EVI5: variants seen among roughly 807,000 people sequenced by gnomAD.
The protein encoded by EVI5 is ecotropic viral integration site 5, also known as ecotropic viral integration site 5 protein homolog.
A neutral mutation model predicts 112.0 loss-of-function variants in EVI5; 73 were observed. The observed-to-expected ratio is 0.65, with a 90% CI of 0.54 to 0.79. EVI5 has a LOEUF of 0.79. Ranked by LOEUF, EVI5 falls within the 30% of genes least tolerant of loss-of-function variation. EVI5 has a pLI of 0.00. For missense variants in EVI5, 900 were observed against 968.8 expected (o/e 0.93, Z 0.94); for synonymous variants, 305 against 319.9 (o/e 0.95, Z 0.50).
intron 10 of EVI5, among the ~76,000 whole-genome samples, chr1:92,673,278 A>C (rs1666189459): frequency 6.7e-6 from 1 of 148,856 alleles, no homozygotes; most frequent in Admixed American, 6.8e-5. Context: ...GAAATGTACC[A>C]TAGTTTTTAA....
chr1:92,643,261 A>C (rs1660320598), intron 13 of EVI5, among the ~76,000 whole-genome samples: 1 of 151,448 alleles, frequency 6.6e-6, no homozygotes, highest in Non-Finnish European at 1.5e-5. Context: ...AGTGCACTAA[A>C]TACAAATTCA....
Position 92,746,655 on chromosome 1 carries a change from G to T in EVI5, c.-81-10028C>A, listed in dbSNP as rs548546573. Among the ~76,000 whole-genome samples the T allele has an allele frequency of 7.4e-4, 113 of 152,232 alleles. No individual in the cohort carries two copies. The South Asian group carries it at 0.01, about 14-fold the overall frequency. ...GTGGGAGGATGACTTGAGCCCAGGA[G>T]GCCAAGGCAGAAGGACTGCTTGTGT... On this transcript the variant is annotated intron_variant, in intron 1 of 19. Transcript: ENST00000684568.
chr1:92,520,845 C>T (rs1056810153), intron 19 of EVI5, among the ~76,000 whole-genome samples: 1 of 149,836 alleles, frequency 6.7e-6, no homozygotes, highest in Non-Finnish European at 1.5e-5. Context: ...TAGAGTGCAA[C>T]CCTGTCTAAA....
chr1:92,513,711 A>T lies in EVI5; in HGVS notation c.2426T>A (p.Val809Glu), dbSNP rs1659400440. The T allele has an allele frequency of 3.1e-6, 5 of 1,612,568 alleles. No individual in the cohort carries two copies. The highest frequency in any genetic ancestry group is 4.2e-6 in the Non-Finnish European group (5 of 1,179,466). ...SVLETRESNQ[V>E]VQKERPPRRR... ...TCTCGGGGGCCGCTCCTTTTGAACCACTTGGTTGCTCTCTCTGGTCTCCAG... is the reference window on the plus strand; with the variant it reads ...TCTCGGGGGCCGCTCCTTTTGAACCTCTTGGTTGCTCTCTCTGGTCTCCAG... Residue 809 changes from valine (V) to glutamate (E), a missense_variant, in exon 20 of 20, where the codon GTG becomes GAG. By Grantham distance (121) the Val-to-Glu change is moderately radical. Transcript: ENST00000684568.
chr1:92,665,165 A>G (rs909856109), intron 11 of EVI5, among the ~76,000 whole-genome samples: 7 of 152,194 alleles, frequency 4.6e-5, no homozygotes, highest in Non-Finnish European at 8.8e-5. Context: ...AGATTGAGCC[A>G]CTGCACTCCA....
intron 2 of EVI5, among the ~76,000 whole-genome samples, chr1:92,729,101 T>C (rs1007979550): frequency 6.6e-6 from 1 of 152,180 alleles, no homozygotes; most frequent in African/African-American, 2.4e-5. Flanking sequence ...ACAAACAAAA[T>C]TGAATGCTGA....
intron 2 of EVI5, among the ~76,000 whole-genome samples, chr1:92,718,692 C>T (rs1177806491): frequency 1.3e-5 from 2 of 151,938 alleles, no homozygotes; most frequent in East Asian, 3.9e-4. Context: ...TAACTAAGAA[C>T]AGAGCAGAAC....
Position 92,702,202 on chromosome 1 carries a change from A to G in EVI5, c.578T>C (p.Val193Ala). Reference protein sequence around the residue: ...LFNVMKAYSLVDREVGYCQGS... With the variant: ...LFNVMKAYSLADREVGYCQGS... Reference sequence around the variant, plus strand: ...TTGACAGTAACCAACCTCACGATCTACTAAAGAGTAAGCCTAAAAAGTAAA... The same window carrying G: ...TTGACAGTAACCAACCTCACGATCTGCTAAAGAGTAAGCCTAAAAAGTAAA... Residue 193 changes from valine to alanine, a missense_variant, in exon 5 of 20, where the codon GTA becomes GCA. Transcript: ENST00000684568. 6.6e-7 allele frequency: 1 copy of G among 1,509,564 alleles called. No homozygotes were observed. Among genetic ancestry groups the G allele is most frequent in the Non-Finnish European group, 8.8e-7 (1 of 1,133,182 alleles). 93.5% of individuals were successfully genotyped at this position (1,509,564 alleles called of 1,614,324 possible).
At chr1:92,605,150 G>T (rs1376356907) in intron 18 of EVI5, among the ~76,000 whole-genome samples, 157 bp downstream of exon 18, 1 of 151,990 alleles carries the variant, frequency 6.6e-6, no homozygotes, top group Non-Finnish European at 1.5e-5. Flanking sequence ...AAAATGGTAA[G>T]TTTTATGTCT....
At chr1:92,620,238 G>C (rs981605852) in intron 16 of EVI5, among the ~76,000 whole-genome samples, 20 of 151,886 alleles carry the variant, frequency 1.3e-4, no homozygotes, top group African/African-American at 4.8e-4. Flanking sequence ...CAGTTACTTA[G>C]GAGGCTGAGG....
intron 19 of EVI5, among the ~76,000 whole-genome samples, chr1:92,537,387 T>C (rs970150148): frequency 6.6e-6 from 1 of 152,216 alleles, no homozygotes; most frequent in African/African-American, 2.4e-5. Flanking sequence ...ATGTAATATA[T>C]ACAATTTTAA....
At chr1:92,612,864 A>G (rs1263195404) in intron 16 of EVI5, among the ~76,000 whole-genome samples, 2 of 152,194 alleles carry the variant, frequency 1.3e-5, no homozygotes, top group African/African-American at 4.8e-5. Flanking sequence ...TAAATATCAG[A>G]CTGGTGGAAG....
At chr1:92,753,474 T>G (rs1409875335) in intron 1 of EVI5, among the ~76,000 whole-genome samples, 1 of 152,268 alleles carries the variant, frequency 6.6e-6, no homozygotes, top group Non-Finnish European at 1.5e-5. Context: ...AATGAAATTA[T>G]ATTTTTTAAC....
At chr1:92,618,634 A>G (rs1653781109) in intron 16 of EVI5, among the ~76,000 whole-genome samples, 1 of 152,172 alleles carries the variant, frequency 6.6e-6, no homozygotes, top group Admixed American at 6.5e-5. Context: ...CCCCTCAGGA[A>G]TGAAGGTTTG....
intron 5 of EVI5, chr1:92,700,917 C>G (rs189904636): frequency 8.7e-4 from 133 of 152,292 alleles, no homozygotes; most frequent in African/African-American, 3.1e-3. Context: ...GGCTACGATA[C>G]TGCCACTGCG....
intron 19 of EVI5, among the ~76,000 whole-genome samples, chr1:92,550,802 AT>A (rs1666760635): frequency 9.2e-6 from 1 of 108,838 alleles, no homozygotes; most frequent in African/African-American, 3.8e-5. Context: ...ATATATATAT[AT>A]ATATATATAT....
At chr1:92,634,471 C>T (rs936559489) in intron 14 of EVI5, among the ~76,000 whole-genome samples, 3 of 152,132 alleles carry the variant, frequency 2.0e-5, no homozygotes, top group Admixed American at 6.6e-5. Flanking sequence ...TTGATCGAAT[C>T]GGCTACTGAG....
rs542468737 is a variant in EVI5 at position 92,527,148 on chromosome 1, C to G, written c.2167-13178G>C. Among the ~76,000 whole-genome samples, 10 of 152,200 alleles carry G rather than the reference C, an allele frequency of 6.6e-5. 1 individual carries two copies. In the South Asian group the frequency reaches 2.1e-3, roughly 32 times the overall value. ...ATGTATTTAGGGCCAGGTGCGGTGG[C>G]TCATGCTTGTAATCCCAGCAGTTTG... is the stretch of plus-strand genomic sequence containing the variant. On this transcript the variant is annotated intron_variant, in intron 19 of 19. Transcript: ENST00000684568.
intron 9 of EVI5, among the ~76,000 whole-genome samples, chr1:92,677,664 A>G (rs1666964312): frequency 6.6e-6 from 1 of 152,350 alleles, no homozygotes; most frequent in East Asian, 1.9e-4. Context: ...TAATAGACAT[A>G]GGAGGAATAA....
Sources: allele counts gnomAD v4.1 joint callset (sites outside exome capture counted in the v4.1 genomes callset), GRCh38; gene constraint gnomAD v4.1.1; transcripts MANE v1.5; gene names NCBI Gene and HGNC (gene_info 2026-07-23, HGNC 2026-07-21).